SLC9C1: variants seen among roughly 807,000 people sequenced by gnomAD.
SLC9C1 encodes the protein sodium/hydrogen exchanger 10.
A neutral mutation model predicts 140.9 loss-of-function variants in SLC9C1; 97 were observed. The observed-to-expected ratio is 0.69, with a 90% CI of 0.58 to 0.82. The LOEUF (loss-of-function observed/expected upper bound fraction) is 0.82. Ranked by LOEUF, SLC9C1 falls within the 40% of genes least tolerant of loss-of-function variation. The probability of loss-of-function intolerance (pLI) is 0.00; values close to 1 mark genes in which losing one functional copy is unlikely to be tolerated. For missense variants in SLC9C1, 1,340 were observed against 1,389.3 expected (o/e 0.96, Z 0.56); for synonymous variants, 440 against 442.6 (o/e 0.99, Z 0.07).
At chr3:112,171,200 A>G (rs1425141384) in intron 23 of SLC9C1, among the ~76,000 whole-genome samples, 2 of 152,008 alleles carry the variant, frequency 1.3e-5, no homozygotes, top group Non-Finnish European at 2.9e-5. Flanking sequence ...TGGGCAACAG[A>G]GTGAGACTCT....
At chr3:112,181,241 T>C (rs991519378) in intron 21 of SLC9C1, among the ~76,000 whole-genome samples, 8 of 152,140 alleles carry the variant, frequency 5.3e-5, no homozygotes, top group African/African-American at 1.9e-4. Context: ...AGAAAAGAAG[T>C]ACTCTAGGAA....
chr3:112,237,086 T>A lies in SLC9C1; in HGVS notation c.1446+2754A>T, dbSNP rs558822219. Among the ~76,000 whole-genome samples, 26 of 152,298 alleles carry A rather than the reference T, an allele frequency of 1.7e-4. No homozygotes were observed. The East Asian group carries it at 4.8e-3, about 28-fold the overall frequency. On this transcript the variant is annotated intron_variant, in intron 12 of 28. Coordinates refer to ENST00000305815, the MANE Select transcript of SLC9C1 (RefSeq NM_183061.3). ...GGGGTGTTAATTTCTCCCATTATTA[T>A]TGTGTGGGAGTCTAAGTCTCTTTGT...
chr3:112,154,589 C>A (rs1469487299), intron 27 of SLC9C1, among the ~76,000 whole-genome samples: 5 of 152,150 alleles, frequency 3.3e-5, no homozygotes, highest in African/African-American at 1.2e-4. Context: ...GCACTGTAAA[C>A]ACAGGGCAAA....
At chr3:112,211,020 G>A (rs890736565) in intron 15 of SLC9C1, among the ~76,000 whole-genome samples, 1 of 152,104 alleles carries the variant, frequency 6.6e-6, no homozygotes, top group East Asian at 1.9e-4. Flanking sequence ...TTTGTGGTGA[G>A]TTTGAAGGCT....
At chr3:112,217,601 T>C (rs1201965959) in intron 14 of SLC9C1, 40 bp from the exon 15 acceptor site, 1 of 1,527,562 alleles carries the variant, frequency 6.5e-7, no homozygotes, top group East Asian at 2.3e-5. Context: ...CTTTAAACAT[T>C]TTGAGATAAG....
rs189095381 is a variant in SLC9C1, at chr3:112,291,811, T to C, written c.-88+2282A>G. On this transcript the variant is annotated intron_variant, in intron 1 of 28. Coordinates refer to ENST00000305815, the MANE Select transcript of SLC9C1 (RefSeq NM_183061.3). ...TAAACTGTTCTATCATAAAGACATA[T>C]GCATGCGTACATTCATTGCAGTACT... Among the ~76,000 whole-genome samples the C allele has an allele frequency of 1.2e-3, 190 of 152,334 alleles. 1 individual carries two copies. The highest frequency in any genetic ancestry group is 4.4e-3 in the African/African-American group (183 of 41,580).
rs536995381 is a variant in SLC9C1, at chr3:112,206,745, A to G, written c.1986+1433T>C. Reference sequence around the variant, plus strand: ...ATTCTGAGCAAACTATCACAAGGACAGAAAACCAAACACCACATATTCTCA... The same window carrying G: ...ATTCTGAGCAAACTATCACAAGGACGGAAAACCAAACACCACATATTCTCA... On this transcript the variant is annotated intron_variant, in intron 16 of 28. Coordinates refer to ENST00000305815, the MANE Select transcript of SLC9C1 (RefSeq NM_183061.3). Among the ~76,000 whole-genome samples, 470 of 151,876 alleles carry G rather than the reference A, an allele frequency of 3.1e-3. 4 individuals carry two copies. The highest frequency in any genetic ancestry group is 0.011 in the African/African-American group (445 of 41,218).
intron 20 of SLC9C1, 38 bp downstream of exon 20, chr3:112,199,283 C>A: frequency 6.8e-7 from 1 of 1,466,970 alleles, no homozygotes; most frequent in Non-Finnish European, 9.1e-7. Flanking sequence ...GATTATGTAT[C>A]AAGTAAATAT....
In SLC9C1 at chr3:112,218,451, T is replaced by A. The variant is rs1560083081; in HGVS notation, c.1671-890A>T. On this transcript the variant is annotated intron_variant, in intron 14 of 28. Transcript: ENST00000305815. ...CTTTAAAACTTGTATATATATTTTTTTTTTTACTACAGGGATACTAACGTA... is the reference window on the plus strand; with the variant it reads ...CTTTAAAACTTGTATATATATTTTTATTTTTACTACAGGGATACTAACGTA... Among the ~76,000 whole-genome samples the A allele has an allele frequency of 9.6e-5, 12 of 124,980 alleles. 1 individual carries two copies. In the South Asian group the frequency reaches 2.7e-3, roughly 29 times the overall value. The allele number at this position is 124,980 out of a possible 152,430, so 82.0% of individuals were successfully genotyped here.
At chr3:112,224,893 A>G (rs1305800981) in intron 13 of SLC9C1, among the ~76,000 whole-genome samples, 3 of 152,122 alleles carry the variant, frequency 2.0e-5, no homozygotes, top group Non-Finnish European at 4.4e-5. Context: ...CCCATGGGAC[A>G]TCATTACACA....
intron 6 of SLC9C1, among the ~76,000 whole-genome samples, chr3:112,271,914 G>C (rs1294101493): frequency 6.6e-6 from 1 of 151,664 alleles, no homozygotes; most frequent in Non-Finnish European, 1.5e-5. Context: ...CATTTTTTTT[G>C]TGCTTCTCTG....
At chr3:112,205,141 A>G (rs1220475734) in intron 16 of SLC9C1, among the ~76,000 whole-genome samples, 4 of 152,044 alleles carry the variant, frequency 2.6e-5, no homozygotes, top group African/African-American at 9.7e-5. Flanking sequence ...ATGATTGTAT[A>G]TCTAGAAAAC....
chr3:112,180,518 T>G lies in SLC9C1; in HGVS notation c.2748+46A>C, dbSNP rs1576285325. The G allele has an allele frequency of 2.0e-6, 3 of 1,494,648 alleles. No individual in the cohort carries two copies. The East Asian group carries it at 6.9e-5, about 34-fold the overall frequency. 92.6% of individuals were successfully genotyped at this position (1,494,648 alleles called of 1,614,324 possible). ...AGCTTGGGCAACAAGAGAGAAACTC[T>G]GTCTCAAAACAAAAAAACAAAACAA... On this transcript the variant is annotated intron_variant, in intron 22 of 28. Coordinates refer to ENST00000305815, the MANE Select transcript of SLC9C1 (RefSeq NM_183061.3).
intron 12 of SLC9C1, among the ~76,000 whole-genome samples, chr3:112,231,704 T>C (rs1388662889): frequency 2.6e-5 from 4 of 152,180 alleles, no homozygotes; most frequent in Non-Finnish European, 4.4e-5. Context: ...GGAGGAGTTA[T>C]ATCATATCTT....
In SLC9C1 at chr3:112,197,686, G is replaced by C. The variant is rs1320418375; in HGVS notation, c.2523+1635C>G. 3.9e-5 allele frequency among the ~76,000 whole-genome samples: 6 copies of C among 152,228 alleles called. No individual in the cohort carries two copies. The East Asian group carries it at 9.6e-4, about 24-fold the overall frequency. On this transcript the variant is annotated intron_variant, in intron 20 of 28. Coordinates refer to ENST00000305815, the MANE Select transcript of SLC9C1 (RefSeq NM_183061.3). ...AGTGCAATTGTTGTCTAAAAGGAGA[G>C]ACAGATTTCTGAAACTTCCTACTCT...
chr3:112,287,367 A>G (rs4682393), intron 1 of SLC9C1, among the ~76,000 whole-genome samples: 106,720 of 152,196 alleles, frequency 0.7, 37,834 homozygotes, highest in East Asian at 1. Context: ...AAATTAATAA[A>G]TCATGATGAT....
intron 27 of SLC9C1, 103 bp downstream of exon 27, chr3:112,154,894 G>A: frequency 9.1e-7 from 1 of 1,098,122 alleles, no homozygotes. Context: ...ATGACTAGCA[G>A]ATGAACTTTT....
intron 20 of SLC9C1, among the ~76,000 whole-genome samples, chr3:112,186,460 T>G (rs929776846): frequency 1.3e-5 from 2 of 152,094 alleles, no homozygotes; most frequent in African/African-American, 4.8e-5. Context: ...AAAACAAAAT[T>G]AAAACCTAAT....
intron 2 of SLC9C1, among the ~76,000 whole-genome samples, chr3:112,282,819 T>C (rs1373953824): frequency 6.6e-6 from 1 of 152,224 alleles, no homozygotes; most frequent in Non-Finnish European, 1.5e-5. Flanking sequence ...TTTAATTCCA[T>C]TTTTCCACAA....
Sources: allele counts gnomAD v4.1 joint callset (sites outside exome capture counted in the v4.1 genomes callset), GRCh38; gene constraint gnomAD v4.1.1; transcripts MANE v1.5; gene names NCBI Gene and HGNC (gene_info 2026-07-23, HGNC 2026-07-21).